DST: variants seen among roughly 807,000 people sequenced by gnomAD.
The protein encoded by DST is dystonin, also known as bullous pemphigoid antigen.
In DST, 253 loss-of-function variants were observed where a neutral mutation model predicts 875.2. The ratio of observed to expected loss-of-function variants is 0.29; its 90% CI spans 0.26 to 0.32. The LOEUF is 0.32. DST is among the 10% of genes least tolerant of loss of function. DST has a pLI of 1.00. For synonymous variants in DST, 3,124 were observed against 3,197.1 expected (o/e 0.98, Z 0.77); for missense variants, 8,287 against 9,111.6 (o/e 0.91, Z 3.68).
At chr6:56,481,603 T>C (rs2095403863) in intron 90 of DST, among the ~76,000 whole-genome samples, 1 of 152,242 alleles carries the variant, frequency 6.6e-6, no homozygotes, top group Admixed American at 6.5e-5. Context: ...GATTCAAAGA[T>C]GAGTTATTAA....
At chr6:56,925,759 C>A (rs929168885) in intron 2 of DST, among the ~76,000 whole-genome samples, 2 of 152,212 alleles carry the variant, frequency 1.3e-5, no homozygotes, top group African/African-American at 4.8e-5. Flanking sequence ...TTTCCCTCAA[C>A]CCCCTCAATT....
At chr6:56,706,329 A>G (rs1394317641) in intron 5 of DST, among the ~76,000 whole-genome samples, 7 of 151,596 alleles carry the variant, frequency 4.6e-5, no homozygotes, top group Non-Finnish European at 7.4e-5. Flanking sequence ...AAAAAAAGAA[A>G]GAAAGAAAGA....
chr6:56,584,245 T>C (rs1192358717), intron 49 of DST, among the ~76,000 whole-genome samples: 1 of 151,976 alleles, frequency 6.6e-6, no homozygotes, highest in Non-Finnish European at 1.5e-5. Flanking sequence ...TTCTTCCATT[T>C]GTTTGTATCC....
intron 82 of DST, among the ~76,000 whole-genome samples, chr6:56,496,150 C>G (rs989496983): frequency 1.3e-5 from 2 of 152,072 alleles, no homozygotes; most frequent in African/African-American, 4.8e-5. Context: ...GGGACTCTTT[C>G]AAAATCTGAA....
At chr6:56,742,631 C>CT (rs1330798462) in intron 4 of DST, among the ~76,000 whole-genome samples, 1 of 152,018 alleles carries the variant, frequency 6.6e-6, no homozygotes, top group Non-Finnish European at 1.5e-5. Flanking sequence ...TTTTAATTCC[C>CT]TTTTTTTGTT....
At position 56,552,448 on chromosome 6, in the gene DST, C is replaced by A. The variant is rs1202165570; in HGVS notation, c.16344G>T (p.Met5448Ile). ...GAGAGGTTTCTTCTGTGGCTAACAT[C>A]ATCTTGCAGGTTTTATTGGCATTGT... ...SNDNANKTCK[M>I]MLATEETSPD... The change falls in exon 61 of 104, where the codon ATG becomes ATT. Residue 5448 changes from methionine (M) to isoleucine (I), a missense_variant. Met to Ile is a conservative substitution (Grantham distance 10, BLOSUM62 1). This residue lies in a region of DST where 777 missense variants were observed against 764.8 expected (regional missense o/e 1.02). Transcript: ENST00000680361. 1 of 1,614,004 alleles carries A rather than the reference C, an allele frequency of 6.2e-7. No individual in the cohort carries two copies. The highest frequency in any genetic ancestry group is 8.5e-7 in the Non-Finnish European group (1 of 1,179,882).
intron 50 of DST, 58 bp from the exon 51 acceptor site, chr6:56,573,945 C>T: frequency 1.6e-6 from 2 of 1,228,524 alleles, no homozygotes; most frequent in South Asian, 1.5e-5. Context: ...TATCCCTTTT[C>T]AAAAACACAT....
At chr6:56,577,313 A>G (rs2097885948) in intron 50 of DST, among the ~76,000 whole-genome samples, 1 of 152,208 alleles carries the variant, frequency 6.6e-6, no homozygotes, top group South Asian at 2.1e-4. Context: ...ATATCCTTAT[A>G]CCCAAGTCCT....
At chr6:56,463,975 G>T in intron 100 of DST, 1 of 671,538 alleles carries the variant, frequency 1.5e-6, no homozygotes, top group Non-Finnish European at 2.7e-6. Context: ...TGAGTTCGGG[G>T]AGGAAAAAAT....
At chr6:56,476,116 G>T in intron 92 of DST, 33 bp downstream of exon 92, 1 of 1,525,730 alleles carries the variant, frequency 6.6e-7, no homozygotes, top group Non-Finnish European at 8.9e-7. Context: ...CTGAGATAAT[G>T]GTTAACAGGA....
Position 56,473,879 on chromosome 6 carries a change from C to T in DST, c.21988G>A (p.Ala7330Thr). Residue 7330 changes from alanine to threonine, a missense_variant, in exon 93 of 104, where the codon GCA becomes ACA. Physicochemically the swap from Ala to Thr is moderately conservative, Grantham distance 58. This residue lies in a region of DST where 1,292 missense variants were observed against 1,552.7 expected (regional missense o/e 0.83). Transcript: ENST00000680361. ...GAAATTGATCACTGCTTACTTCCTG[C>T]TCGTCCCTTATCCAAGACTGGAATA... is the stretch of plus-strand genomic sequence containing the variant. ...SHIPVLDKGR[A>T]GRKRFPASSL... The T allele has an allele frequency of 6.3e-7, 1 of 1,599,070 alleles. No individual in the cohort carries two copies. The highest frequency in any genetic ancestry group is 8.5e-7 in the Non-Finnish European group (1 of 1,171,620).
At chr6:56,787,617 A>T (rs913314606) in intron 4 of DST, among the ~76,000 whole-genome samples, 1 of 152,236 alleles carries the variant, frequency 6.6e-6, no homozygotes, top group African/African-American at 2.4e-5. Flanking sequence ...TTTAGAATTA[A>T]TATCAAAACT....
rs373323878 is a variant in DST at position 56,535,333 on chromosome 6, C to A, written c.16771-41G>T. ...TGTTTCCACTTATTTATTTGTTTCACAAAATAATGCAATCTGAGCACAAAT... is the reference window on the plus strand; with the variant it reads ...TGTTTCCACTTATTTATTTGTTTCAAAAAATAATGCAATCTGAGCACAAAT... On this transcript the variant is annotated intron_variant, in intron 62 of 103. Coordinates refer to ENST00000680361, the MANE Select transcript of DST (RefSeq NM_001374736.1). 3.9e-6 allele frequency: 6 copies of A among 1,532,066 alleles called. No individual in the cohort carries two copies. In the African/African-American group the frequency reaches 8.5e-5, roughly 22 times the overall value. The allele number at this position is 1,532,066 out of a possible 1,614,324, so 94.9% of individuals were successfully genotyped here. A position where few individuals can be genotyped will look rare whatever the true frequency, so the allele number is the denominator to read the frequency against.
chr6:56,827,116 G>C (rs1030848248), intron 4 of DST, among the ~76,000 whole-genome samples: 1 of 152,122 alleles, frequency 6.6e-6, no homozygotes, highest in African/African-American at 2.4e-5. Context: ...AAATTCACTT[G>C]TCAGTTCCAA....
At chr6:56,731,183 G>C (rs187387285) in intron 5 of DST, among the ~76,000 whole-genome samples, 3 of 151,950 alleles carry the variant, frequency 2.0e-5, no homozygotes, top group Admixed American at 6.5e-5. Flanking sequence ...CATCCACTGA[G>C]ACTAAACAGA....
In DST at chr6:56,611,581, T is replaced by C. The variant is rs1258437874; in HGVS notation, c.5074A>G (p.Ile1692Val). Residue 1692 changes from isoleucine (I) to valine (V), a missense_variant, in exon 38 of 104, where the codon ATA becomes GTA. Ile to Val is a conservative substitution (Grantham distance 29). Transcript: ENST00000680361. Reference sequence around the variant, plus strand: ...GATAATTGTTCCTTCTTGGTTGATATTTCCTCACTGGAAATCTGTAAGGTA... The same window carrying C: ...GATAATTGTTCCTTCTTGGTTGATACTTCCTCACTGGAAATCTGTAAGGTA... ...FSKQKISSEE[I>V]STKKEQLSEA... is the part of the protein sequence containing the mutation. 2 of 1,612,144 alleles carry C rather than the reference T, an allele frequency of 1.2e-6. No homozygotes were observed. The highest frequency in any genetic ancestry group is 1.3e-5 in the African/African-American group (1 of 74,876).
At chr6:56,623,893 G>T (rs2098711280) in intron 36 of DST, among the ~76,000 whole-genome samples, 1 of 151,612 alleles carries the variant, frequency 6.6e-6, no homozygotes, top group South Asian at 2.1e-4. Flanking sequence ...GCAGAAATAT[G>T]ATTTTTAAAT....
At chr6:56,925,188 C>T (rs1205401320) in intron 2 of DST, among the ~76,000 whole-genome samples, 3 of 152,038 alleles carry the variant, frequency 2.0e-5, no homozygotes, top group Non-Finnish European at 4.4e-5. Context: ...CATCTCATGC[C>T]AAACTTTGAT....
At chr6:56,495,980 C>T (rs186740580) in intron 82 of DST, among the ~76,000 whole-genome samples, 24 of 152,210 alleles carry the variant, frequency 1.6e-4, no homozygotes, top group African/African-American at 5.5e-4. Context: ...CTTACAACAA[C>T]ATTATATCTC....
Sources: gnomAD v4.1 joint callset for allele counts (sites outside exome capture counted in the v4.1 genomes callset) on GRCh38, gnomAD v4.1.1 for gene constraint, gnomAD v4.1.1 regional missense constraint, MANE v1.5 for transcripts, NCBI Gene and HGNC (gene_info 2026-07-23, HGNC 2026-07-21) for gene names.